The following DTD1 variants were observed in gnomAD, a reference collection of about 807,000 sequenced individuals.
DTD1 encodes D-tyrosyl-tRNA deacylase 1 homolog.
DTD1 carries 13 observed loss-of-function variants against 25.6 expected under a neutral mutation model. The ratio of observed to expected loss-of-function variants is 0.51; its 90% confidence interval spans 0.33 to 0.81. DTD1 has a LOEUF of 0.81. Among genes scored for constraint, DTD1 ranks in the 30% least tolerant of loss-of-function variants. The pLI is 0.02. For missense variants in DTD1, 193 were observed against 266.4 expected (o/e 0.72, Z 1.92); for synonymous variants, 110 against 103.6 (o/e 1.06, Z -0.37).
intron 3 of DTD1, among the ~76,000 whole-genome samples, chr20:18,616,813 A>AT (rs34278662): frequency 6.6e-6 from 1 of 152,118 alleles, no homozygotes; most frequent in African/African-American, 2.4e-5. Context: ...TCTCTAAAAA[A>AT]TTTTTTTAAA....
At chr20:18,750,202 T>A (rs1235965980) in intron 5 of DTD1, among the ~76,000 whole-genome samples, 2 of 152,206 alleles carry the variant, frequency 1.3e-5, no homozygotes, top group Non-Finnish European at 2.9e-5. Flanking sequence ...ATGATATATT[T>A]GGGGTTTTTT....
At chr20:18,653,484 T>A (rs2060881400) in intron 4 of DTD1, among the ~76,000 whole-genome samples, 1 of 152,330 alleles carries the variant, frequency 6.6e-6, no homozygotes, top group Non-Finnish European at 1.5e-5. Context: ...ATGTTGATTT[T>A]TGAGTGTGAA....
intron 4 of DTD1, chr20:18,631,364 G>A (rs1286583516): frequency 6.1e-6 from 6 of 985,336 alleles, no homozygotes; most frequent in African/African-American, 1.7e-5. Flanking sequence ...GTGACTGCTC[G>A]GCTGTGGGTC....
intron 4 of DTD1, among the ~76,000 whole-genome samples, chr20:18,641,470 G>A (rs895562843): frequency 2.0e-5 from 3 of 152,120 alleles, no homozygotes; most frequent in Middle Eastern, 3.4e-3. Flanking sequence ...AATGCTCAAG[G>A]GTTCTGATTT....
chr20:18,596,769 G>A (rs191820542), intron 3 of DTD1, among the ~76,000 whole-genome samples: 278 of 150,526 alleles, frequency 1.8e-3, no homozygotes, highest in African/African-American at 6.3e-3. Context: ...TTTGATTAGA[G>A]CAGTTTTAGG....
chr20:18,736,772 A>ACTCAC (rs2122511638), intron 4 of DTD1, among the ~76,000 whole-genome samples: 1 of 152,296 alleles, frequency 6.6e-6, no homozygotes, highest in Non-Finnish European at 1.5e-5. Flanking sequence ...ATGCCCTCTG[A>ACTCAC]GTGCTGGTGA....
chr20:18,631,385 TG>T, intron 4 of DTD1: 1 of 985,752 alleles, frequency 1.0e-6, no homozygotes, highest in Non-Finnish European at 1.2e-6. Context: ...TAGACTGACC[TG>T]GGCTTTGGAG....
intron 4 of DTD1, among the ~76,000 whole-genome samples, chr20:18,727,485 C>T (rs541254084): frequency 9.2e-5 from 14 of 152,182 alleles, no homozygotes; most frequent in South Asian, 6.2e-4. Context: ...TGATGCTCTT[C>T]GGCCCTGAAG....
chr20:18,646,200 G>A (rs1456312290), intron 4 of DTD1, among the ~76,000 whole-genome samples: 1 of 152,330 alleles, frequency 6.6e-6, no homozygotes, highest in African/African-American at 2.4e-5. Context: ...CCTGTGACGA[G>A]TTGGCAGCTG....
rs887845366 is a variant in DTD1 at position 18,762,633 on chromosome 20, C to T, written c.*20-727C>T. On this transcript the variant is annotated intron_variant, in intron 5 of 5. Coordinates refer to ENST00000377452, the MANE Select transcript of DTD1 (RefSeq NM_080820.6). ...CATCTATGTTGTCTAATTTGTGAGT[C>T]GAAAGTTGCTTGTGATATATTCCTT... Among the ~76,000 whole-genome samples the T allele has an allele frequency of 5.3e-5, 8 of 152,186 alleles. No homozygotes were observed. The South Asian group carries it at 8.3e-4, about 16-fold the overall frequency.
intron 4 of DTD1, among the ~76,000 whole-genome samples, chr20:18,736,222 C>T (rs895917860): frequency 2.0e-5 from 3 of 152,224 alleles, no homozygotes; most frequent in East Asian, 3.9e-4. Context: ...CAGCAGACAT[C>T]GTGTTCCTGT....
chr20:18,684,876 C>T lies in DTD1; in HGVS notation c.477+56643C>T, dbSNP rs73902834. Among the ~76,000 whole-genome samples, 1,328 of 151,724 alleles carry T rather than the reference C, an allele frequency of 8.8e-3. 18 individuals carry two copies. The highest frequency in any genetic ancestry group is 0.031 in the African/African-American group (1,270 of 41,356). On this transcript the variant is annotated intron_variant, in intron 4 of 5. Coordinates refer to ENST00000377452, the MANE Select transcript of DTD1 (RefSeq NM_080820.6). ...TTGTAAGTGACTGTGCCTGAGGGCTCAGCCCCACTAAGGCACAGTTTTGTT... is the reference window on the plus strand; with the variant it reads ...TTGTAAGTGACTGTGCCTGAGGGCTTAGCCCCACTAAGGCACAGTTTTGTT...
chr20:18,725,304 G>A (rs1010363171), intron 4 of DTD1, among the ~76,000 whole-genome samples: 22 of 152,194 alleles, frequency 1.4e-4, no homozygotes, highest in African/African-American at 5.3e-4. Flanking sequence ...CACACTGATG[G>A]GCGTGTCTGA....
At chr20:18,644,661 A>G (rs1330941292) in intron 4 of DTD1, among the ~76,000 whole-genome samples, 1 of 150,946 alleles carries the variant, frequency 6.6e-6, no homozygotes, top group Non-Finnish European at 1.5e-5. Context: ...GTGTAGATTC[A>G]TTTCTCATCT....
At chr20:18,720,602 A>G (rs1033886745) in intron 4 of DTD1, among the ~76,000 whole-genome samples, 28 of 152,298 alleles carry the variant, frequency 1.8e-4, no homozygotes, top group African/African-American at 6.5e-4. Context: ...AACCTGTAAT[A>G]CTAGCACTTT....
At chr20:18,759,956 ACTTCT>A (rs1454515191) in intron 5 of DTD1, among the ~76,000 whole-genome samples, 2 of 151,688 alleles carry the variant, frequency 1.3e-5, no homozygotes, top group African/African-American at 4.8e-5. Flanking sequence ...TTTTCTCTAA[ACTTCT>A]CTTCTCGCTT....
intron 4 of DTD1, among the ~76,000 whole-genome samples, chr20:18,655,569 C>T (rs947030741): frequency 2.0e-5 from 3 of 152,102 alleles, no homozygotes; most frequent in African/African-American, 7.2e-5. Context: ...TATCAGCCAT[C>T]ACAGAAAGTG....
intron 4 of DTD1, among the ~76,000 whole-genome samples, chr20:18,708,266 TATATATATATA>T (rs1568676869): frequency 1.0e-3 from 21 of 20,678 alleles, no homozygotes; most frequent in Admixed American, 1.4e-3. Context: ...ATATATATTT[TATATATATATA>T]ATATATATTA....
chr20:18,593,695 T>C, intron 1 of DTD1, 36 bp from the exon 2 acceptor site: 1 of 1,537,852 alleles, frequency 6.5e-7, no homozygotes, highest in Non-Finnish European at 9.0e-7. Flanking sequence ...CCTTGTTTGG[T>C]TCTGAGTTCT....
Sources: allele counts gnomAD v4.1 joint callset (sites outside exome capture counted in the v4.1 genomes callset), GRCh38; gene constraint gnomAD v4.1.1; transcripts MANE v1.5; gene names NCBI Gene and HGNC (gene_info 2026-07-23, HGNC 2026-07-21).